The following DPYD variants were observed in gnomAD, a reference collection of about 807,000 sequenced individuals.
The protein encoded by DPYD is dihydropyrimidine dehydrogenase, also known as dihydropyrimidine dehydrogenase [NADP(+)].
Under a neutral mutation model 116.2 loss-of-function variants are expected in DPYD, and 109 were observed. The ratio of observed to expected loss-of-function variants is 0.94; its 90% CI spans 0.80 to 1.10. DPYD has a LOEUF of 1.10. DPYD is among the 50% of genes least tolerant of loss of function. The pLI is 0.00. For synonymous variants in DPYD, 440 were observed against 432.0 expected (o/e 1.02, Z -0.23); for missense variants, 1,302 against 1,254.5 (o/e 1.04, Z -0.57).
At chr1:97,194,782 C>T (rs550610611) in intron 19 of DPYD, among the ~76,000 whole-genome samples, 13 of 152,158 alleles carry the variant, frequency 8.5e-5, no homozygotes, top group South Asian at 2.1e-4. Flanking sequence ...GGATTACAGG[C>T]GTGACCCACT....
At chr1:97,126,477 A>T (rs1374571775) in intron 20 of DPYD, among the ~76,000 whole-genome samples, 2 of 152,046 alleles carry the variant, frequency 1.3e-5, no homozygotes, top group African/African-American at 2.4e-5. Context: ...CATGCCCCTC[A>T]GTCTATGCAC....
intron 20 of DPYD, among the ~76,000 whole-genome samples, chr1:97,121,253 T>C (rs545982707): frequency 6.6e-6 from 1 of 152,238 alleles, no homozygotes; most frequent in African/African-American, 2.4e-5. Context: ...TTCAAGCCTT[T>C]ATTCAAATAT....
chr1:97,893,472 A>T (rs1330695047), intron 1 of DPYD, among the ~76,000 whole-genome samples: 1 of 140,742 alleles, frequency 7.1e-6, no homozygotes, highest in Non-Finnish European at 1.5e-5. Context: ...AGCAATGGAG[A>T]TATCATTTTA....
intron 16 of DPYD, among the ~76,000 whole-genome samples, chr1:97,359,316 A>G (rs951007671): frequency 9.2e-5 from 14 of 152,236 alleles, no homozygotes; most frequent in African/African-American, 3.4e-4. Context: ...CTGTGAAAAT[A>G]TCAAATCTAC....
At chr1:97,631,636 T>C (rs1657265160) in intron 8 of DPYD, among the ~76,000 whole-genome samples, 3 of 152,068 alleles carry the variant, frequency 2.0e-5, no homozygotes, top group Admixed American at 6.6e-5. Flanking sequence ...AAAATATATA[T>C]GAATTAATTT....
In DPYD at chr1:97,232,040, C is replaced by T. The variant is rs545193212; in HGVS notation, c.2442+2812G>A. The stretch of plus-strand genomic sequence containing the variant: ...CCTTTCTTCTTGATATCCTAAGGTG[C>T]CTTCTTTTATCATTTTCTTTCTTCT... On this transcript the variant is annotated intron_variant, in intron 19 of 22. Coordinates refer to ENST00000370192, the MANE Select transcript of DPYD (RefSeq NM_000110.4). Among the ~76,000 whole-genome samples the T allele has an allele frequency of 1.2e-4, 19 of 152,298 alleles. No individual in the cohort carries two copies. In the South Asian group the frequency reaches 3.3e-3, roughly 27 times the overall value.
chr1:97,408,826 C>T (rs985863182), intron 14 of DPYD, among the ~76,000 whole-genome samples: 7 of 152,116 alleles, frequency 4.6e-5, no homozygotes, highest in Non-Finnish European at 7.4e-5. Context: ...CTGAGTCTTC[C>T]GGCCTTCAGT....
chr1:97,456,898 G>A (rs954494610), intron 13 of DPYD, among the ~76,000 whole-genome samples: 1 of 151,996 alleles, frequency 6.6e-6, no homozygotes, highest in Non-Finnish European at 1.5e-5. Context: ...CTATTCCTGT[G>A]GCCCAAAACC....
At chr1:97,218,136 G>C (rs1302950685) in intron 19 of DPYD, among the ~76,000 whole-genome samples, 1 of 152,056 alleles carries the variant, frequency 6.6e-6, no homozygotes, top group Non-Finnish European at 1.5e-5. Flanking sequence ...CACAAATACT[G>C]TAAAGAATCT....
At chr1:97,722,260 A>G (rs928436879) in intron 4 of DPYD, among the ~76,000 whole-genome samples, 1 of 151,600 alleles carries the variant, frequency 6.6e-6, no homozygotes, top group African/African-American at 2.4e-5. Context: ...TACATCAAAA[A>G]CAAGAAAAGT....
At chr1:97,798,952 A>T (rs944168638) in intron 3 of DPYD, among the ~76,000 whole-genome samples, 2 of 151,880 alleles carry the variant, frequency 1.3e-5, no homozygotes, top group Non-Finnish European at 2.9e-5. Flanking sequence ...CACTTATGAG[A>T]CTCCCATCTT....
chr1:97,130,169 A>T (rs933272223), intron 20 of DPYD, among the ~76,000 whole-genome samples: 2 of 152,158 alleles, frequency 1.3e-5, no homozygotes, highest in African/African-American at 4.8e-5. Context: ...TCTAAATTTT[A>T]TTTCTAGGTG....
At chr1:97,880,761 G>T (rs11799497) in intron 2 of DPYD, among the ~76,000 whole-genome samples, 7 of 151,778 alleles carry the variant, frequency 4.6e-5, no homozygotes, top group African/African-American at 1.7e-4. Context: ...ATATATAAAG[G>T]TATGGTTATG....
intron 2 of DPYD, among the ~76,000 whole-genome samples, chr1:97,868,326 TAC>T (rs1671494148): frequency 6.6e-6 from 1 of 151,762 alleles, no homozygotes; most frequent in South Asian, 2.1e-4. Flanking sequence ...GGTTCTCACA[TAC>T]ACTCTTGATA....
intron 2 of DPYD, among the ~76,000 whole-genome samples, chr1:97,870,253 G>A (rs968852489): frequency 6.6e-6 from 1 of 151,772 alleles, no homozygotes; most frequent in African/African-American, 2.4e-5. Context: ...AATGACTACT[G>A]AATCAAAGCA....
At chr1:97,804,584 GT>G (rs1439715557) in intron 3 of DPYD, among the ~76,000 whole-genome samples, 1 of 151,756 alleles carries the variant, frequency 6.6e-6, no homozygotes, top group Non-Finnish European at 1.5e-5. Flanking sequence ...CTACACCAAA[GT>G]CAAAGTCATT....
chr1:97,088,102 A>G (rs950669491), intron 21 of DPYD, among the ~76,000 whole-genome samples: 1 of 152,276 alleles, frequency 6.6e-6, no homozygotes, highest in Non-Finnish European at 1.5e-5. Flanking sequence ...CTTACTTCTT[A>G]GGAAACTTAG....
At chr1:97,816,160 C>T (rs1274365518) in intron 3 of DPYD, among the ~76,000 whole-genome samples, 1 of 151,458 alleles carries the variant, frequency 6.6e-6, no homozygotes, top group Non-Finnish European at 1.5e-5. Context: ...TAGCCTCATA[C>T]TCCTTGTGAC....
At chr1:97,305,536 T>TAATTAAAAAAAAACTCC (rs1424948034) in intron 17 of DPYD, among the ~76,000 whole-genome samples, 158 bp from the exon 18 acceptor site, 4 of 152,030 alleles carry the variant, frequency 2.6e-5, no homozygotes, top group African/African-American at 9.7e-5. Context: ...ACATTTATGT[T>TAATTAAAAAAAAACTCC]TAAAATTTTA....
Sources: gnomAD v4.1 joint callset for allele counts (sites outside exome capture counted in the v4.1 genomes callset) on GRCh38, gnomAD v4.1.1 for gene constraint, MANE v1.5 for transcripts, NCBI Gene and HGNC (gene_info 2026-07-23, HGNC 2026-07-21) for gene names.